ARID2: variants seen among roughly 807,000 people sequenced by gnomAD.
ARID2 encodes the protein AT-rich interactive domain-containing protein 2.
In ARID2, 32 loss-of-function variants were observed where a neutral mutation model predicts 184.6. The observed-to-expected ratio is 0.17, with a 90% CI of 0.13 to 0.23. The LOEUF is 0.23. Among genes scored for constraint, ARID2 ranks in the 10% least tolerant of loss-of-function variants. The pLI is 1.00. For synonymous variants in ARID2, 836 were observed against 772.6 expected, an observed-to-expected ratio of 1.08 and a Z score of -1.36; for missense variants, 1,696 against 2,197.6, an observed-to-expected ratio of 0.77 and a Z score of 4.56.
chr12:45,891,158 C>T (rs1357296243), intron 16 of ARID2, among the ~76,000 whole-genome samples: 3 of 136,778 alleles, frequency 2.2e-5, no homozygotes, highest in East Asian at 2.2e-4. Context: ...AGCGAGACTC[C>T]GTCTCAAAAA....
rs1270774367 is a variant in ARID2, at chr12:45,811,526, C to T, written c.393C>T (p.Tyr131=). Residue 131 remains tyrosine (Y), a synonymous_variant, in exon 4 of 21, where the codon TAC becomes TAT. Transcript: ENST00000334344. ...CTATTGGTGCAATTCCATCTTCCTA[C>T]AATTACCAGCAACACAGTGTGTCGG... ...QLPIGAIPSS[Y]NYQQHSVSDY... is the part of the protein sequence containing the mutation. 2 of 1,613,602 alleles carry T rather than the reference C, an allele frequency of 1.2e-6. No individual in the cohort carries two copies. Among genetic ancestry groups the T allele is most frequent in the African/African-American group, 1.3e-5 (1 of 74,900 alleles).
At chr12:45,762,191 A>G (rs1941696338) in intron 3 of ARID2, among the ~76,000 whole-genome samples, 1 of 152,028 alleles carries the variant, frequency 6.6e-6, no homozygotes, top group African/African-American at 2.4e-5. Context: ...TCCCATATTA[A>G]TGCTTCTTAA....
At chr12:45,759,936 T>C (rs1941642415) in intron 3 of ARID2, among the ~76,000 whole-genome samples, 1 of 152,212 alleles carries the variant, frequency 6.6e-6, no homozygotes, top group South Asian at 2.1e-4. Flanking sequence ...TATGATATTA[T>C]TTGATAGTAT....
Position 45,848,904 on chromosome 12 carries a change from T to C in ARID2, c.1649T>C (p.Leu550Pro). 1 of 1,612,670 alleles carries C rather than the reference T, an allele frequency of 6.2e-7. No individual in the cohort carries two copies. The stretch of plus-strand genomic sequence containing the variant: ...CGAGCAGAAATGTATTCTGAATACC[T>C]CTCGACTTGCAGTAAATTAGCTCGT... ...VSRAEMYSEY[L>P]STCSKLARGG... The change falls in exon 13 of 21, where the codon CTC (leucine) becomes CCC (proline). Residue 550 changes from leucine (L) to proline (P), a missense_variant. Around this residue, in one of 11 missense-constraint regions of ARID2, gnomAD observed 713 missense variants for 824.4 expected, o/e 0.86. Transcript: ENST00000334344.
intron 3 of ARID2, among the ~76,000 whole-genome samples, chr12:45,803,876 A>G (rs550619757): frequency 2.6e-5 from 4 of 152,324 alleles, no homozygotes; most frequent in South Asian, 2.1e-4. Context: ...ACACGCAGAC[A>G]TTAGTAAATA....
chr12:45,734,123 C>G (rs971908326), intron 3 of ARID2, among the ~76,000 whole-genome samples: 1 of 152,182 alleles, frequency 6.6e-6, no homozygotes, highest in African/African-American at 2.4e-5. Flanking sequence ...AATCTCAGCA[C>G]TTTGGGAGGC....
chr12:45,783,042 G>A (rs767366787), intron 3 of ARID2, among the ~76,000 whole-genome samples: 1 of 151,762 alleles, frequency 6.6e-6, no homozygotes, highest in Non-Finnish European at 1.5e-5. Context: ...GCTGAGGCAC[G>A]AAAATTGCTT....
intron 16 of ARID2, among the ~76,000 whole-genome samples, chr12:45,865,284 A>G (rs953631127): frequency 3.9e-5 from 6 of 152,096 alleles, no homozygotes; most frequent in African/African-American, 1.4e-4. Flanking sequence ...CCATTTCTCA[A>G]TATTGTTAAG....
intron 15 of ARID2, among the ~76,000 whole-genome samples, chr12:45,855,510 T>C (rs762117895): frequency 9.2e-5 from 14 of 152,218 alleles, no homozygotes; most frequent in Non-Finnish European, 1.5e-4. Context: ...GCTACATATA[T>C]GGGCAGTTAG....
chr12:45,747,457 T>G (rs1941381543), intron 3 of ARID2, among the ~76,000 whole-genome samples: 1 of 152,150 alleles, frequency 6.6e-6, no homozygotes, highest in African/African-American at 2.4e-5. Flanking sequence ...TATCAGAGTC[T>G]TGGGGTCAAG....
intron 3 of ARID2, among the ~76,000 whole-genome samples, chr12:45,797,041 A>G (rs1455045285): frequency 6.6e-6 from 1 of 152,172 alleles, no homozygotes; most frequent in East Asian, 1.9e-4. Context: ...TCTCGTGTGC[A>G]TCAAATATTA....
chr12:45,842,368 CACAT>C (rs763141253), intron 11 of ARID2: 4 of 150,828 alleles, frequency 2.7e-5, no homozygotes, highest in Non-Finnish European at 5.9e-5. Context: ...TATATACACA[CACAT>C]ATATAAAACA....
At chr12:45,899,421 A>G (rs542824012) in intron 20 of ARID2, among the ~76,000 whole-genome samples, 226 of 147,928 alleles carry the variant, frequency 1.5e-3, no homozygotes, top group African/African-American at 4.2e-3. Flanking sequence ...TGGCTAACAC[A>G]GTGAAACCCC....
At chr12:45,794,103 C>G (rs1352224455) in intron 3 of ARID2, among the ~76,000 whole-genome samples, 1 of 152,156 alleles carries the variant, frequency 6.6e-6, no homozygotes, top group African/African-American at 2.4e-5. Flanking sequence ...ATACCTGAAA[C>G]TGCAGGTAAT....
At chr12:45,870,157 T>C (rs1163994532) in intron 16 of ARID2, among the ~76,000 whole-genome samples, 1 of 151,880 alleles carries the variant, frequency 6.6e-6, no homozygotes, top group Non-Finnish European at 1.5e-5. Flanking sequence ...TGCTAACTTT[T>C]TTTGTATTTT....
rs1283159228 is a variant in ARID2 at position 45,847,272 on chromosome 12, T to C, written c.1580+335T>C. On this transcript the variant is annotated intron_variant, in intron 12 of 20. Transcript: ENST00000334344. ...GTTTGTCAGGTTACAAAATTTGTTCTTCTAAAATTAACATTTTGTTAAAAC... is the reference window on the plus strand; with the variant it reads ...GTTTGTCAGGTTACAAAATTTGTTCCTCTAAAATTAACATTTTGTTAAAAC... 3.9e-5 allele frequency among the ~76,000 whole-genome samples: 6 copies of C among 152,104 alleles called. No homozygotes were observed. In the East Asian group the frequency reaches 1.2e-3, roughly 29 times the overall value.
chr12:45,729,991 G>C (rs1940945682), intron 1 of ARID2, 53 bp from the exon 2 acceptor site: 1 of 1,607,132 alleles, frequency 6.2e-7, no homozygotes, highest in Non-Finnish European at 8.5e-7. Flanking sequence ...TCTCCCGCCC[G>C]GGCCGGGCAC....
chr12:45,735,534 TC>T (rs1298235118), intron 3 of ARID2, among the ~76,000 whole-genome samples: 1 of 150,406 alleles, frequency 6.6e-6, no homozygotes, highest in African/African-American at 2.4e-5. Flanking sequence ...GCCTCAGCCT[TC>T]CAAAGTGCTG....
rs544399975 is a variant in ARID2 at position 45,793,543 on chromosome 12, CTGTG to C, written c.285-17857_285-17854del. Among the ~76,000 whole-genome samples the C allele has an allele frequency of 5.8e-3, 864 of 148,204 alleles. 9 individuals are homozygous for C. The highest frequency in any genetic ancestry group is 0.02 in the African/African-American group (816 of 40,516). ...TATATATATAACTGCCTTTATGTAACTGTGTGTGTGTGTGTGTGTGTATATGTAT... is the reference window on the plus strand; with the variant it reads ...TATATATATAACTGCCTTTATGTAACTGTGTGTGTGTGTGTGTATATGTAT... On this transcript the variant is annotated intron_variant, in intron 3 of 20. Coordinates refer to ENST00000334344, the MANE Select transcript of ARID2 (RefSeq NM_152641.4).
Sources: allele counts gnomAD v4.1 joint callset (sites outside exome capture counted in the v4.1 genomes callset), GRCh38; gene constraint gnomAD v4.1.1; regional missense constraint gnomAD v4.1.1; transcripts MANE v1.5; gene names NCBI Gene and HGNC (gene_info 2026-07-23, HGNC 2026-07-21).